PREX2: variants seen among roughly 807,000 people sequenced by gnomAD.
PREX2 encodes the protein phosphatidylinositol-3,4,5-trisphosphate dependent Rac exchange factor 2.
PREX2 carries 107 observed loss-of-function variants against 203.2 expected under a neutral mutation model. That is an observed-to-expected ratio of 0.53 (90% CI 0.45 to 0.62). The LOEUF is 0.62. PREX2 is among the 20% of genes least tolerant of loss of function. PREX2 has a pLI of 0.00. For missense variants in PREX2, 1,777 were observed against 1,955.9 expected (o/e 0.91, Z 1.72); for synonymous variants, 672 against 663.6 (o/e 1.01, Z -0.19).
chr8:68,114,485 AG>A (rs1249467103), intron 25 of PREX2, among the ~76,000 whole-genome samples: 2 of 152,168 alleles, frequency 1.3e-5, no homozygotes, highest in African/African-American at 4.8e-5. Flanking sequence ...TCATTTTGCA[AG>A]TTTTTTAGCA....
intron 37 of PREX2, among the ~76,000 whole-genome samples, chr8:68,196,381 A>G (rs1812393781): frequency 6.7e-6 from 1 of 148,480 alleles, no homozygotes; most frequent in African/African-American, 2.4e-5. Flanking sequence ...AGTAACTTCT[A>G]TCAACAACAC....
intron 37 of PREX2, among the ~76,000 whole-genome samples, chr8:68,213,901 A>G (rs1156724686): frequency 1.3e-5 from 2 of 152,216 alleles, no homozygotes; most frequent in Non-Finnish European, 2.9e-5. Flanking sequence ...AAGGACAAAT[A>G]CTACTCTGTG....
chr8:68,006,638 C>G (rs566532707), intron 1 of PREX2, among the ~76,000 whole-genome samples: 108 of 152,278 alleles, frequency 7.1e-4, no homozygotes, highest in Non-Finnish European at 1.1e-3. Context: ...GGACCTAGTT[C>G]AGATTTCAAT....
chr8:68,191,697 T>C (rs759054662), intron 35 of PREX2, 25 bp from the exon 36 acceptor site: 9 of 1,541,904 alleles, frequency 5.8e-6, no homozygotes, highest in African/African-American at 1.4e-5. Flanking sequence ...CAACAAATGA[T>C]AATTTATTTC....
rs1480903947 is a variant in PREX2, at chr8:68,090,687, C to T, written c.2222C>T (p.Ala741Val). The T allele has an allele frequency of 1.2e-6, 2 of 1,613,676 alleles. No homozygotes were observed. Among genetic ancestry groups the T allele is most frequent in the Non-Finnish European group, 1.7e-6 (2 of 1,179,804 alleles). ...THASVIAHVT[A>V]CRKYRRPTKQ... is the part of the protein sequence containing the mutation. ...GCCAGTGTCATTGCACACGTTACAGCCTGCAGGAAGTACAGGCGGCCAACG... is the reference window on the plus strand; with the variant it reads ...GCCAGTGTCATTGCACACGTTACAGTCTGCAGGAAGTACAGGCGGCCAACG... Residue 741 changes from alanine (A) to valine (V), a missense_variant, in exon 20 of 40, where the codon GCC becomes GTC. By Grantham distance (64) the Ala-to-Val change is moderately conservative. Transcript: ENST00000288368.
rs773512479 is a variant in PREX2, at chr8:68,146,243, G to A, written c.4122G>A (p.Arg1374=). The A allele has an allele frequency of 2.0e-5, 33 of 1,610,638 alleles. No individual in the cohort carries two copies. In the South Asian group the frequency reaches 3.6e-4, roughly 18 times the overall value. Residue 1374 remains arginine, a synonymous_variant, in exon 34 of 40, where the codon CGG becomes CGA. Transcript: ENST00000288368. ...TTACATATCAAGCAGAAGGAAGTCG[G>A]CAAGCTCTGAAAGTTTACTTCTACA... ...VPLTYQAEGS[R]QALKVYFYID...
chr8:68,002,168 G>A (rs577308588), intron 1 of PREX2, among the ~76,000 whole-genome samples: 3 of 119,250 alleles, frequency 2.5e-5, no homozygotes, highest in African/African-American at 9.2e-5. Flanking sequence ...TTTTTTTTGA[G>A]GTGGAGTCTC....
At chr8:68,005,241 A>G (rs575299733) in intron 1 of PREX2, among the ~76,000 whole-genome samples, 1 of 152,302 alleles carries the variant, frequency 6.6e-6, no homozygotes, top group South Asian at 2.1e-4. Context: ...CAGTCAATCC[A>G]TGAACAAACC....
chr8:68,234,116 A>G lies in PREX2; in HGVS notation c.*2738A>G, dbSNP rs1004661010. On this transcript the variant is annotated 3_prime_UTR_variant, in exon 40 of 40. Coordinates refer to ENST00000288368, the MANE Select transcript of PREX2 (RefSeq NM_024870.4). ...CAAAAATAACAGTTTTAGATAGTAC[A>G]TCTCATACAACTTTATTATAATTCC... 2.6e-5 allele frequency: 4 copies of G among 152,236 alleles called. No individual in the cohort carries two copies. Among genetic ancestry groups the G allele is most frequent in the Non-Finnish European group, 5.9e-5 (4 of 68,042 alleles). The allele number at this position is 152,236 out of a possible 1,614,324, so 9.4% of individuals were successfully genotyped here.
chr8:67,976,123 T>A (rs1239809254), intron 1 of PREX2, among the ~76,000 whole-genome samples: 1 of 152,138 alleles, frequency 6.6e-6, no homozygotes, highest in Non-Finnish European at 1.5e-5. Flanking sequence ...AAAGTTGTCT[T>A]CGTAATGAAC....
chr8:68,233,414 A>G lies in PREX2; in HGVS notation c.*2036A>G, dbSNP rs557184728. 2 of 152,262 alleles carry G rather than the reference A, an allele frequency of 1.3e-5. No homozygotes were observed. The highest frequency in any genetic ancestry group is 3.9e-4 in the East Asian group (2 of 5,178). 9.4% of individuals were successfully genotyped at this position (152,262 alleles called of 1,614,324 possible). A position where few individuals can be genotyped will look rare whatever the true frequency, so the allele number is the denominator to read the frequency against. ...TATATTGTGGTATTTATAAGCTAAC[A>G]TATTTTATATTTTTAAGGATCTACT... On this transcript the variant is annotated 3_prime_UTR_variant, in exon 40 of 40. Transcript: ENST00000288368.
At chr8:68,191,201 C>G (rs1233578308) in intron 35 of PREX2, among the ~76,000 whole-genome samples, 1 of 152,168 alleles carries the variant, frequency 6.6e-6, no homozygotes, top group South Asian at 2.1e-4. Flanking sequence ...CGGAGCATAA[C>G]TTGGTGCTGG....
At chr8:68,117,396 A>AT (rs1404574294) in intron 26 of PREX2, among the ~76,000 whole-genome samples, 2 of 152,248 alleles carry the variant, frequency 1.3e-5, no homozygotes, top group Non-Finnish European at 2.9e-5. Flanking sequence ...ACACATAAGA[A>AT]TTATTCTAGA....
At position 68,233,779 on chromosome 8, in the gene PREX2, T is replaced by C. The variant is rs184986211; in HGVS notation, c.*2401T>C. 3.3e-4 allele frequency: 50 copies of C among 152,326 alleles called. No homozygotes were observed. The highest frequency in any genetic ancestry group is 2.9e-3 in the Admixed American group (44 of 15,294). The allele number at this position is 152,326 out of a possible 1,614,324, so 9.4% of individuals were successfully genotyped here. A position where few individuals can be genotyped will look rare whatever the true frequency, so the allele number is the denominator to read the frequency against. On this transcript the variant is annotated 3_prime_UTR_variant, in exon 40 of 40. Coordinates refer to ENST00000288368, the MANE Select transcript of PREX2 (RefSeq NM_024870.4). ...CAGTGACTTGCACAAAGTCACATGA[T>C]TGACAAGGGGTAGAACCAAAATTTG...
In PREX2 at chr8:68,090,704, C is replaced by G. The variant is rs773432628; in HGVS notation, c.2239C>G (p.Arg747Gly). Reference protein sequence around the residue: ...AHVTACRKYRRPTKQDSIQWV... With the variant: ...AHVTACRKYRGPTKQDSIQWV... ...CGTTACAGCCTGCAGGAAGTACAGG[C>G]GGCCAACGAAGGTAAGTGGCCCTTC... is the stretch of plus-strand genomic sequence containing the variant. The change falls in exon 20 of 40, where the codon CGG becomes GGG. Residue 747 changes from arginine to glycine, a missense_variant. Coordinates refer to ENST00000288368, the MANE Select transcript of PREX2 (RefSeq NM_024870.4). 7 of 1,613,126 alleles carry G rather than the reference C, an allele frequency of 4.3e-6. No homozygotes were observed. The highest frequency in any genetic ancestry group is 5.1e-6 in the Non-Finnish European group (6 of 1,179,334).
chr8:68,158,459 C>T (rs997493974), intron 35 of PREX2, among the ~76,000 whole-genome samples: 5 of 151,994 alleles, frequency 3.3e-5, no homozygotes, highest in Admixed American at 3.3e-4. Context: ...CTCAAATTAG[C>T]AGCAATTACA....
At chr8:67,973,840 A>G (rs192961424) in intron 1 of PREX2, among the ~76,000 whole-genome samples, 12 of 152,324 alleles carry the variant, frequency 7.9e-5, no homozygotes, top group Admixed American at 7.8e-4. Flanking sequence ...CCCAGAACAC[A>G]TGGATACCAA....
At chr8:68,118,965 G>A (rs1810713278) in intron 27 of PREX2, 1 of 491,748 alleles carries the variant, frequency 2.0e-6, no homozygotes, top group African/African-American at 1.9e-5. Flanking sequence ...TGGTTGATGG[G>A]GATGGGCAGG....
intron 11 of PREX2, among the ~76,000 whole-genome samples, chr8:68,063,355 T>C (rs28416049): frequency 0.099 from 14,978 of 151,926 alleles, 849 homozygotes; most frequent in African/African-American, 0.15. Flanking sequence ...TGAAACTGAG[T>C]TGCAGCCAAG....
Sources: allele counts gnomAD v4.1 joint callset (sites outside exome capture counted in the v4.1 genomes callset), GRCh38; gene constraint gnomAD v4.1.1; transcripts MANE v1.5; gene names NCBI Gene and HGNC (gene_info 2026-07-23, HGNC 2026-07-21).